Variants in DENND10 observed in about 807,000 individuals in gnomAD.
DENND10 encodes the protein DENN domain containing 10.
A neutral mutation model predicts 43.6 loss-of-function variants in DENND10; 24 were observed. The ratio of observed to expected loss-of-function variants is 0.55; its 90% CI spans 0.40 to 0.77. DENND10 has a LOEUF of 0.77. Among genes scored for constraint, DENND10 ranks in the 30% least tolerant of loss-of-function variants. The probability of loss-of-function intolerance (pLI) is 0.00; values close to 1 mark genes in which losing one functional copy is unlikely to be tolerated. For synonymous variants in DENND10, 125 were observed against 157.6 expected (o/e 0.79, Z 1.55); for missense variants, 303 against 429.9 (o/e 0.70, Z 2.61).
At chr10:119,108,481 C>CA (rs371995219) in intron 2 of DENND10, among the ~76,000 whole-genome samples, 3,253 of 98,818 alleles carry the variant, frequency 0.033, 134 homozygotes, top group African/African-American at 0.11. Context: ...GACTCCGTCT[C>CA]AAAAAAAAAA....
At chr10:119,119,134 A>G (rs1845441846) in intron 4 of DENND10, among the ~76,000 whole-genome samples, 1 of 151,916 alleles carries the variant, frequency 6.6e-6, no homozygotes, top group South Asian at 2.1e-4. Flanking sequence ...CCTCCCAAGT[A>G]GCTGGGATTA....
In DENND10 at chr10:119,132,427, C is replaced by A; in HGVS notation, c.803-88C>A. On this transcript the variant is annotated intron_variant, in intron 7 of 8. Coordinates refer to ENST00000361432, the MANE Select transcript of DENND10 (RefSeq NM_207009.4). The surrounding 1 kb of genome is among the most constrained non-coding windows in gnomAD (Gnocchi z 4.2). The stretch of plus-strand genomic sequence containing the variant: ...GTTATCAGCTGCTTTTTGAAAATTC[C>A]CTCAGTGTGGTCTTCCAAGTTTTCA... The A allele has an allele frequency of 9.4e-7, 1 of 1,059,546 alleles. No homozygotes were observed. Among genetic ancestry groups the A allele is most frequent in the South Asian group, 1.3e-5 (1 of 77,660 alleles). The allele number at this position is 1,059,546 out of a possible 1,614,324, so 65.6% of individuals were successfully genotyped here.
chr10:119,121,092 G>T (rs1319742866), intron 5 of DENND10, among the ~76,000 whole-genome samples: 1 of 151,868 alleles, frequency 6.6e-6, no homozygotes, highest in African/African-American at 2.4e-5. Flanking sequence ...TGGAATTACG[G>T]GTGTGAGCCA....
rs1449225005 is a variant in DENND10, at chr10:119,132,718, C to G, written c.897+109C>G. 2.3e-6 allele frequency: 2 copies of G among 867,112 alleles called. No homozygotes were observed. The highest frequency in any genetic ancestry group is 3.3e-5 in the African/African-American group (2 of 60,326). The allele number at this position is 867,112 out of a possible 1,614,324, so 53.7% of individuals were successfully genotyped here. A position where few individuals can be genotyped will look rare whatever the true frequency, so the allele number is the denominator to read the frequency against. On this transcript the variant is annotated intron_variant, in intron 8 of 8. Transcript: ENST00000361432. The surrounding 1 kb of genome is among the most constrained non-coding windows in gnomAD (Gnocchi z 4.2). ...AGTGGGGGGCTGTGGTAGAGGCCAG[C>G]GGGCAGGTGCTTAGAGAGGGTTTAC...
At chr10:119,117,961 G>A (rs931454557) in intron 4 of DENND10, among the ~76,000 whole-genome samples, 31 of 150,730 alleles carry the variant, frequency 2.1e-4, no homozygotes, top group African/African-American at 7.3e-4. Flanking sequence ...ACGAGACTCC[G>A]TCTCAAAAAA....
intron 8 of DENND10, chr10:119,135,054 AC>A: frequency 6.6e-6 from 1 of 151,662 alleles, no homozygotes. Context: ...AATCCCAGCG[AC>A]TTGGGAAGCC....
intron 8 of DENND10, among the ~76,000 whole-genome samples, chr10:119,135,818 C>CAAAAAAAAAAAAAAAAAAA (rs1174927246): frequency 5.6e-4 from 43 of 76,458 alleles, no homozygotes; most frequent in East Asian, 2.6e-3. Context: ...AAAAAAAAAC[C>CAAAAAAAAAAAAAAAAAAA]AAAACCACAC....
chr10:119,135,816 A>AAAAAAAAAAAAAC (rs869244867), intron 8 of DENND10, among the ~76,000 whole-genome samples: 2 of 127,666 alleles, frequency 1.6e-5, no homozygotes, highest in East Asian at 4.6e-4. Flanking sequence ...AAAAAAAAAA[A>AAAAAAAAAAAAAC]CCAAAACCAC....
At position 119,137,893 on chromosome 10, in the gene DENND10, T is replaced by A. The variant is rs530002110; in HGVS notation, c.*1246T>A. ...AGGAATATTAACATCTTTTTTCTCA[T>A]TTTTTTGTATTACTATATTAGCTAA... On this transcript the variant is annotated 3_prime_UTR_variant, in exon 9 of 9. Coordinates refer to ENST00000361432, the MANE Select transcript of DENND10 (RefSeq NM_207009.4). 2.4e-4 allele frequency: 40 copies of A among 166,834 alleles called. No homozygotes were observed. The highest frequency in any genetic ancestry group is 8.0e-4 in the African/African-American group (33 of 41,416). 10.3% of individuals were successfully genotyped at this position (166,834 alleles called of 1,614,324 possible). A position where few individuals can be genotyped will look rare whatever the true frequency, so the allele number is the denominator to read the frequency against.
chr10:119,120,951 C>T (rs10787919), intron 5 of DENND10, among the ~76,000 whole-genome samples: 84,861 of 151,738 alleles, frequency 0.56, 24,025 homozygotes, highest in South Asian at 0.67. Flanking sequence ...AAGACTCTTA[C>T]TTTGATAGTA....
intron 6 of DENND10, 167 bp from the exon 7 acceptor site, chr10:119,129,348 C>G (rs914194175): frequency 2.5e-5 from 15 of 596,026 alleles, no homozygotes; most frequent in South Asian, 1.9e-4. Flanking sequence ...TATCTTCAGG[C>G]AACTGATAGT....
At chr10:119,123,388 C>T (rs1437258418) in intron 5 of DENND10, 81 bp from the exon 6 acceptor site, 1 of 1,016,584 alleles carries the variant, frequency 9.8e-7, no homozygotes, top group African/African-American at 1.6e-5. Flanking sequence ...TCATTTCCTT[C>T]TCAGGAAGAG....
chr10:119,119,496 C>G (rs1221624835), intron 4 of DENND10, among the ~76,000 whole-genome samples: 1 of 152,072 alleles, frequency 6.6e-6, no homozygotes, highest in Non-Finnish European at 1.5e-5. Context: ...AGGCTGGTGT[C>G]AAACTCCTGA....
At chr10:119,108,551 C>T (rs936476833) in intron 2 of DENND10, among the ~76,000 whole-genome samples, 2 of 151,248 alleles carry the variant, frequency 1.3e-5, no homozygotes, top group East Asian at 1.9e-4. Flanking sequence ...TTTCACACTT[C>T]ACTCTCATTC....
chr10:119,113,748 T>G (rs2133471470), intron 3 of DENND10, among the ~76,000 whole-genome samples: 1 of 151,674 alleles, frequency 6.6e-6, no homozygotes, highest in South Asian at 2.1e-4. Context: ...ACCTAAGGGT[T>G]TCAGTTAGAT....
chr10:119,114,565 G>C (rs1297318601), intron 3 of DENND10: 1 of 152,250 alleles, frequency 6.6e-6, no homozygotes, highest in Admixed American at 6.6e-5. Context: ...GCAGTCAGCT[G>C]TACAGGCCTC....
At chr10:119,109,803 T>A (rs1464879312) in intron 2 of DENND10, among the ~76,000 whole-genome samples, 2 of 151,530 alleles carry the variant, frequency 1.3e-5, no homozygotes, top group Admixed American at 1.3e-4. Context: ...TTTTTTTTTT[T>A]AACTTCAATT....
At chr10:119,113,440 C>G (rs1845079344) in intron 3 of DENND10, among the ~76,000 whole-genome samples, 2 of 151,520 alleles carry the variant, frequency 1.3e-5, no homozygotes, top group Admixed American at 1.3e-4. Flanking sequence ...TCAAGTGATC[C>G]TCTGCCTTGG....
At position 119,120,360 on chromosome 10, in the gene DENND10, A is replaced by G. The variant is rs780530031; in HGVS notation, c.501A>G (p.Gly167=). 1.2e-6 allele frequency: 2 copies of G among 1,606,928 alleles called. No homozygotes were observed. The highest frequency in any genetic ancestry group is 1.3e-5 in the African/African-American group (1 of 74,750). Residue 167 remains glycine (G), a synonymous_variant, in exon 5 of 9, where the codon GGA becomes GGG. Transcript: ENST00000361432. ...GSIKDIVSQF[G]METVILHTAL... ...TTGAAGACATTGTATCTCAGTTTGG[A>G]ATGGAAACTGTTATCTTACACACAG...
Sources: allele counts gnomAD v4.1 joint callset (sites outside exome capture counted in the v4.1 genomes callset), GRCh38; gene constraint gnomAD v4.1.1; non-coding constraint Gnocchi (gnomAD v3.1); transcripts MANE v1.5; gene names NCBI Gene and HGNC (gene_info 2026-07-23, HGNC 2026-07-21).